Variants in BICRA observed in about 807,000 individuals in gnomAD.
BICRA encodes the protein BRD4-interacting chromatin-remodeling complex-associated protein.
Under a neutral mutation model 96.9 loss-of-function variants are expected in BICRA, and 31 were observed. The ratio of observed to expected loss-of-function variants is 0.32; its 90% CI spans 0.24 to 0.43. BICRA has a LOEUF of 0.43. Among genes scored for constraint, BICRA ranks in the 20% least tolerant of loss-of-function variants. The pLI, the probability that BICRA is intolerant of heterozygous loss-of-function variation, is 1.00. For missense variants in BICRA, 2,283 were observed against 2,190.3 expected, an observed-to-expected ratio of 1.04 and a Z score of -0.84; for synonymous variants, 1,350 against 1,071.8, an observed-to-expected ratio of 1.26 and a Z score of -5.07.
intron 1 of BICRA, among the ~76,000 whole-genome samples, chr19:47,646,818 C>G (rs1194840838): frequency 6.6e-6 from 1 of 152,122 alleles, no homozygotes; most frequent in Non-Finnish European, 1.5e-5. Flanking sequence ...ACATACCATA[C>G]AGTTCACCCA....
chr19:47,615,517 C>G (rs1375082862), intron 1 of BICRA, among the ~76,000 whole-genome samples: 1 of 152,174 alleles, frequency 6.6e-6, no homozygotes, highest in Admixed American at 6.5e-5. Context: ...AATCCCAGTT[C>G]TGCTATTTGC....
At chr19:47,669,635 A>G (rs1159565028) in intron 1 of BICRA, among the ~76,000 whole-genome samples, 1 of 152,028 alleles carries the variant, frequency 6.6e-6, no homozygotes, top group Non-Finnish European at 1.5e-5. Flanking sequence ...GTTTTGTTCT[A>G]TTTAAATTAT....
chr19:47,621,163 G>A (rs1972059457), intron 1 of BICRA, among the ~76,000 whole-genome samples: 1 of 152,184 alleles, frequency 6.6e-6, no homozygotes, highest in Admixed American at 6.6e-5. Flanking sequence ...TCACCTGGGA[G>A]TGGAAGCCAG....
chr19:47,683,534 G>A (rs1275816600), intron 7 of BICRA, among the ~76,000 whole-genome samples: 1 of 151,794 alleles, frequency 6.6e-6, no homozygotes, highest in East Asian at 1.9e-4. Flanking sequence ...TTGTCTTAAA[G>A]TAATAACCAT....
chr19:47,682,605 C>T (rs1973082830), intron 7 of BICRA, among the ~76,000 whole-genome samples: 1 of 151,824 alleles, frequency 6.6e-6, no homozygotes, highest in Admixed American at 6.6e-5. Context: ...AGGGTAGCAT[C>T]TTCTGCCTGC....
At chr19:47,679,019 G>C in intron 5 of BICRA, 2 of 264,806 alleles carry the variant, frequency 7.6e-6, no homozygotes, top group Non-Finnish European at 1.4e-5. Flanking sequence ...TCTCACCTCA[G>C]CCTCCCAAGT....
At chr19:47,612,435 TAAAA>T in intron 1 of BICRA, among the ~76,000 whole-genome samples, 1 of 150,886 alleles carries the variant, frequency 6.6e-6, no homozygotes, top group African/African-American at 2.4e-5. Flanking sequence ...ATAAATAAAA[TAAAA>T]AATGTAAAGG....
chr19:47,610,873 G>T (rs965183172), intron 1 of BICRA, among the ~76,000 whole-genome samples: 20 of 152,124 alleles, frequency 1.3e-4, no homozygotes, highest in Non-Finnish European at 2.6e-4. Flanking sequence ...CCCTTCCCAT[G>T]CACTGGTAGG....
chr19:47,698,406 C>A lies in BICRA; in HGVS notation c.3249-228C>A, dbSNP rs1973381808. On this transcript the variant is annotated intron_variant, in intron 11 of 14. Coordinates refer to ENST00000594866, the MANE Select transcript of BICRA (RefSeq NM_001394372.1). The surrounding 1 kb of genome is among the most constrained non-coding windows in gnomAD (Gnocchi z 4.8). ...GACTTCACTTCCTCGACCTCACCTT[C>A]CCTTTCTGTAAAATGGGGATAGCGA... Among the ~76,000 whole-genome samples, 1 of 152,196 alleles carries A rather than the reference C, an allele frequency of 6.6e-6. No individual in the cohort carries two copies. Among genetic ancestry groups the A allele is most frequent in the African/African-American group, 2.4e-5 (1 of 41,452 alleles).
intron 1 of BICRA, among the ~76,000 whole-genome samples, chr19:47,656,121 A>G (rs200051838): frequency 7.6e-6 from 1 of 131,976 alleles, no homozygotes; most frequent in Non-Finnish European, 1.6e-5. Flanking sequence ...CTCTGAATAA[A>G]TAAGTAAATT....
At chr19:47,641,988 T>C in intron 1 of BICRA, among the ~76,000 whole-genome samples, 1 of 152,214 alleles carries the variant, frequency 6.6e-6, no homozygotes, top group Non-Finnish European at 1.5e-5. Flanking sequence ...AGTCCTTTTT[T>C]GGTTAGGTTC....
chr19:47,667,698 C>T (rs1199726002), intron 1 of BICRA, among the ~76,000 whole-genome samples: 2 of 152,190 alleles, frequency 1.3e-5, no homozygotes, highest in African/African-American at 2.4e-5. Context: ...CCACTCGCCA[C>T]TCCTGTTCCT....
At chr19:47,696,226 G>A (rs1973339937) in intron 10 of BICRA, among the ~76,000 whole-genome samples, 1 of 152,054 alleles carries the variant, frequency 6.6e-6, no homozygotes, top group Admixed American at 6.5e-5. Flanking sequence ...GGACACCCAG[G>A]GCTCCAGCCT....
chr19:47,698,604 G>A lies in BICRA; in HGVS notation c.3249-30G>A. 2 of 557,618 alleles carry A rather than the reference G, an allele frequency of 3.6e-6. No individual in the cohort carries two copies. Among genetic ancestry groups the A allele is most frequent in the Non-Finnish European group, 6.7e-6 (2 of 296,824 alleles). The allele number at this position is 557,618 out of a possible 1,614,324, so 34.5% of individuals were successfully genotyped here. The stretch of plus-strand genomic sequence containing the variant: ...TCACCCGTCCCCCCCACCCTCCGCC[G>A]TGTGTGGTCTCTCCCCTTTCCACCC... On this transcript the variant is annotated intron_variant, in intron 11 of 14. Transcript: ENST00000594866. This position sits in a 1 kb window ranked among gnomAD's most constrained non-coding sequence, Gnocchi z 4.8.
In BICRA at chr19:47,679,708, G is replaced by C. The variant is rs1973000271; in HGVS notation, c.538G>C (p.Ala180Pro). 3 of 1,535,256 alleles carry C rather than the reference G, an allele frequency of 2.0e-6. No individual in the cohort carries two copies. The highest frequency in any genetic ancestry group is 2.6e-6 in the Non-Finnish European group (3 of 1,142,272). Residue 180 changes from alanine to proline, a missense_variant, in exon 6 of 15, where the codon GCC (alanine) becomes CCC (proline). Ala to Pro is a conservative substitution (Grantham distance 27). Coordinates refer to ENST00000594866, the MANE Select transcript of BICRA (RefSeq NM_001394372.1). The stretch of plus-strand genomic sequence containing the variant: ...CCCGCCTACCGTGCTGACCCACCAG[G>C]CCCTGGTGCCGCCCCAGGACGTGGT... ...QGPPTVLTHQALVPPQDVVNK... is the reference protein window; with the variant it reads ...QGPPTVLTHQPLVPPQDVVNK...
rs867080121 is a variant in BICRA, at chr19:47,675,917, G to A, written c.150+1G>A. On this transcript the variant is annotated splice_donor_variant, in intron 5 of 14. Coordinates refer to ENST00000594866, the MANE Select transcript of BICRA (RefSeq NM_001394372.1). LOFTEE classifies it high-confidence loss of function. This position sits in a 1 kb window ranked among gnomAD's most constrained non-coding sequence, Gnocchi z 4.7. ...AAGTGCCTTCTATGAAGGTCCTGGG[G>A]TAAGTGCCGTGGCTCCCGATCATTG... is the stretch of plus-strand genomic sequence containing the variant. The A allele has an allele frequency of 6.2e-7, 1 of 1,600,810 alleles. No individual in the cohort carries two copies. Among genetic ancestry groups the A allele is most frequent in the Non-Finnish European group, 8.5e-7 (1 of 1,172,096 alleles).
At chr19:47,644,320 T>G (rs933131267) in intron 1 of BICRA, among the ~76,000 whole-genome samples, 6 of 151,240 alleles carry the variant, frequency 4.0e-5, no homozygotes, top group Middle Eastern at 3.3e-3. Flanking sequence ...CCACTGCACC[T>G]GGCCCAGATT....
At chr19:47,611,853 A>T (rs923531663) in intron 1 of BICRA, among the ~76,000 whole-genome samples, 17 of 151,950 alleles carry the variant, frequency 1.1e-4, no homozygotes, top group Non-Finnish European at 2.1e-4. Flanking sequence ...CAGGGGAGGA[A>T]TGTCAACTGG....
intron 6 of BICRA, 90 bp downstream of exon 6, chr19:47,681,366 T>C (rs1221178273): frequency 1.7e-6 from 2 of 1,158,524 alleles, no homozygotes; most frequent in East Asian, 5.4e-5. Context: ...GATCCAAAAG[T>C]GGATGCCACT....
Sources: gnomAD v4.1 joint callset for allele counts (sites outside exome capture counted in the v4.1 genomes callset) on GRCh38, gnomAD v4.1.1 for gene constraint, Gnocchi (gnomAD v3.1) non-coding constraint, MANE v1.5 for transcripts, NCBI Gene and HGNC (gene_info 2026-07-23, HGNC 2026-07-21) for gene names.